Variants in DOCK10 observed in about 807,000 individuals in gnomAD.
DOCK10 encodes dedicator of cytokinesis protein 10.
A neutral mutation model predicts 280.1 loss-of-function variants in DOCK10; 145 were observed. That is an observed-to-expected ratio of 0.52 (90% CI 0.45 to 0.59). DOCK10 has a LOEUF of 0.59. DOCK10 is among the 20% of genes least tolerant of loss of function. DOCK10 has a pLI of 0.00. For synonymous variants in DOCK10, 915 were observed against 942.2 expected, an observed-to-expected ratio of 0.97 and a Z score of 0.53; for missense variants, 2,368 against 2,651.7, an observed-to-expected ratio of 0.89 and a Z score of 2.35.
intron 31 of DOCK10, among the ~76,000 whole-genome samples, chr2:224,811,002 T>C (rs1221670144): frequency 1.3e-5 from 2 of 152,126 alleles, no homozygotes; most frequent in East Asian, 1.9e-4. Context: ...ATATACCCAG[T>C]AATGGGATGG....
At chr2:224,863,941 G>C (rs920446251) in intron 13 of DOCK10, among the ~76,000 whole-genome samples, 1 of 152,050 alleles carries the variant, frequency 6.6e-6, no homozygotes, top group African/African-American at 2.4e-5. Flanking sequence ...CATCAGCATT[G>C]CTGATGTCTC....
chr2:224,805,970 G>T lies in DOCK10; in HGVS notation c.3814+156C>A, dbSNP rs1437890882. Among the ~76,000 whole-genome samples, 1 of 152,094 alleles carries T rather than the reference G, an allele frequency of 6.6e-6. No homozygotes were observed. The highest frequency in any genetic ancestry group is 1.5e-5 in the Non-Finnish European group (1 of 68,010). ...AGGAAGTCACTGGATGGAATTCAAA[G>T]AAATATGTAAAAAGACTCTTTGGTT... On this transcript the variant is annotated intron_variant, in intron 34 of 55. Transcript: ENST00000258390. This position sits in a 1 kb window ranked among gnomAD's most constrained non-coding sequence, Gnocchi z 4.3.
chr2:224,901,520 G>T (rs1388239989), intron 3 of DOCK10, among the ~76,000 whole-genome samples: 1 of 152,196 alleles, frequency 6.6e-6, no homozygotes, highest in Admixed American at 6.5e-5. Flanking sequence ...CTGCCTGTAT[G>T]TGTTTAGACA....
At chr2:224,933,164 T>C (rs1169079459) in intron 1 of DOCK10, among the ~76,000 whole-genome samples, 3 of 152,172 alleles carry the variant, frequency 2.0e-5, no homozygotes, top group Non-Finnish European at 4.4e-5. Flanking sequence ...CATTGAGTAT[T>C]TTGAGGAAGA....
chr2:225,011,795 G>A (rs1689446411), intron 1 of DOCK10, among the ~76,000 whole-genome samples: 1 of 152,134 alleles, frequency 6.6e-6, no homozygotes, highest in Admixed American at 6.5e-5. Flanking sequence ...CAAAATGTTA[G>A]GCTCTGCAAG....
intron 31 of DOCK10, among the ~76,000 whole-genome samples, chr2:224,811,667 G>T (rs1339548222): frequency 1.3e-5 from 2 of 152,282 alleles, no homozygotes; most frequent in Non-Finnish European, 1.5e-5. Context: ...TTTGTATAAG[G>T]TGTAAGGAAG....
chr2:224,897,155 G>T (rs1378893819), intron 3 of DOCK10, among the ~76,000 whole-genome samples: 1 of 152,060 alleles, frequency 6.6e-6, no homozygotes, highest in Non-Finnish European at 1.5e-5. Context: ...TTTCCATTTT[G>T]TATCATTGCT....
intron 1 of DOCK10, among the ~76,000 whole-genome samples, chr2:224,975,178 C>T (rs960150323): frequency 2.0e-5 from 3 of 151,984 alleles, no homozygotes; most frequent in Non-Finnish European, 4.4e-5. Context: ...AAGCCTTTAC[C>T]TCGAAGATTT....
intron 1 of DOCK10, among the ~76,000 whole-genome samples, chr2:224,937,668 C>T (rs531299754): frequency 7.6e-4 from 115 of 152,200 alleles, no homozygotes; most frequent in African/African-American, 2.6e-3. Flanking sequence ...AAAAGGAAAG[C>T]GATCTACCTA....
chr2:224,821,598 A>G (rs1378504681), intron 28 of DOCK10, among the ~76,000 whole-genome samples: 1 of 152,156 alleles, frequency 6.6e-6, no homozygotes, highest in African/African-American at 2.4e-5. Context: ...GTGTCAAATA[A>G]ATGCCATTAA....
At position 224,789,150 on chromosome 2, in the gene DOCK10, G is replaced by T; in HGVS notation, c.5332C>A (p.Pro1778Thr). 6.2e-7 allele frequency: 1 copy of T among 1,613,132 alleles called. No homozygotes were observed. Among genetic ancestry groups the T allele is most frequent in the Non-Finnish European group, 8.5e-7 (1 of 1,179,398 alleles). The change falls in exon 48 of 56, where the codon CCA becomes ACA. Residue 1778 changes from proline (P) to threonine (T), a missense_variant. Pro to Thr is a conservative substitution (Grantham distance 38). Around this residue, in one of 2 missense-constraint regions of DOCK10, gnomAD observed 1,159 missense variants for 1,400.8 expected, o/e 0.83. Transcript: ENST00000258390. ...TTTGGTGTAATGCTCAAAAAAGCTG[G>T]CCATCCCATAGAGAACATGCCTTGG... ...SGGSMFSMGW[P>T]AFLSITPNIK...
chr2:224,890,212 T>C (rs1699575912), intron 4 of DOCK10, among the ~76,000 whole-genome samples: 1 of 152,142 alleles, frequency 6.6e-6, no homozygotes, highest in Non-Finnish European at 1.5e-5. Flanking sequence ...TATCCTTCCT[T>C]CCAAAAGAAT....
chr2:224,956,099 G>A (rs1704017805), intron 1 of DOCK10, among the ~76,000 whole-genome samples: 1 of 152,206 alleles, frequency 6.6e-6, no homozygotes, highest in Admixed American at 6.5e-5. Flanking sequence ...AAACAAAGGA[G>A]AACATTGTGT....
Position 225,042,368 on chromosome 2 carries a change from C to T in DOCK10, c.7G>A (p.Gly3Ser). 3 of 1,257,620 alleles carry T rather than the reference C, an allele frequency of 2.4e-6. No homozygotes were observed. Among genetic ancestry groups the T allele is most frequent in the African/African-American group, 1.6e-5 (1 of 64,248 alleles). 77.9% of individuals were successfully genotyped at this position (1,257,620 alleles called of 1,614,324 possible). Residue 3 changes from glycine (G) to serine (S), a missense_variant, in exon 1 of 56, where the codon GGT (glycine) becomes AGT (serine). Around this residue, in one of 2 missense-constraint regions of DOCK10, gnomAD observed 1,209 missense variants for 1,250.9 expected, o/e 0.97. Transcript: ENST00000258390. The surrounding 1 kb of genome is among the most constrained non-coding windows in gnomAD (Gnocchi z 5.1). MA[G>S]ERTRRFTRSL... Reference sequence around the variant, plus strand: ...CGGGTGAACCTGCGGGTCCGCTCACCGGCCATCGCCGGTCACGCCAATCGC... The same window carrying T: ...CGGGTGAACCTGCGGGTCCGCTCACTGGCCATCGCCGGTCACGCCAATCGC...
intron 31 of DOCK10, among the ~76,000 whole-genome samples, chr2:224,812,899 T>C (rs1174162478): frequency 1.3e-5 from 2 of 152,200 alleles, no homozygotes; most frequent in Non-Finnish European, 2.9e-5. Context: ...CAGTATTTTA[T>C]TGAGGATTTT....
chr2:224,795,195 G>T (rs1692480336), intron 44 of DOCK10, 101 bp from the exon 45 acceptor site: 2 of 1,015,946 alleles, frequency 2.0e-6, no homozygotes, highest in Non-Finnish European at 1.5e-6. Flanking sequence ...ACAGTTTGGA[G>T]CATTCTATAT....
chr2:224,967,363 A>C (rs1393203213), intron 1 of DOCK10, among the ~76,000 whole-genome samples: 1 of 152,136 alleles, frequency 6.6e-6, no homozygotes, highest in Non-Finnish European at 1.5e-5. Flanking sequence ...TACAGGCGTG[A>C]GCCACCGCGC....
chr2:224,888,802 GAATA>G (rs1699482556), intron 4 of DOCK10, among the ~76,000 whole-genome samples: 5 of 145,170 alleles, frequency 3.4e-5, no homozygotes, highest in Non-Finnish European at 7.5e-5. Context: ...TTGTATGTGT[GAATA>G]TATATGTGTG....
At position 224,846,500 on chromosome 2, in the gene DOCK10, CTT is replaced by C. The variant is rs796471168; in HGVS notation, c.2236-860_2236-859del. On this transcript the variant is annotated intron_variant, in intron 19 of 55. Coordinates refer to ENST00000258390, the MANE Select transcript of DOCK10 (RefSeq NM_014689.3). ...AGCTCACTGCAGCCTTGACCTCTGG[CTT>C]TTTTTTTTTTTTTTTTGAGATGGAG... Among the ~76,000 whole-genome samples, 159 of 128,998 alleles carry C rather than the reference CTT, an allele frequency of 1.2e-3. 1 individual carries two copies. The highest frequency in any genetic ancestry group is 3.8e-3 in the African/African-American group (124 of 32,794). 84.6% of individuals were successfully genotyped at this position (128,998 alleles called of 152,430 possible).
Sources: allele counts gnomAD v4.1 joint callset (sites outside exome capture counted in the v4.1 genomes callset), GRCh38; gene constraint gnomAD v4.1.1; regional missense constraint gnomAD v4.1.1; non-coding constraint Gnocchi (gnomAD v3.1); transcripts MANE v1.5; gene names NCBI Gene and HGNC (gene_info 2026-07-23, HGNC 2026-07-21).